Variants in STXBP5L observed in about 807,000 individuals in gnomAD.
STXBP5L encodes the protein syntaxin binding protein 5L, also known as syntaxin-binding protein 5-like.
STXBP5L carries 65 observed loss-of-function variants against 144.5 expected under a neutral mutation model. That is an observed-to-expected ratio of 0.45 (90% CI 0.37 to 0.55). The LOEUF is 0.55. Among genes scored for constraint, STXBP5L ranks in the 20% least tolerant of loss-of-function variants. The pLI is 0.00. For missense variants in STXBP5L, 1,298 were observed against 1,405.5 expected, an observed-to-expected ratio of 0.92 and a Z score of 1.22; for synonymous variants, 505 against 469.6, an observed-to-expected ratio of 1.08 and a Z score of -0.97.
intron 9 of STXBP5L, 28 bp from the exon 10 acceptor site, chr3:121,205,895 G>T (rs2048316813): frequency 2.5e-6 from 3 of 1,192,822 alleles, no homozygotes; most frequent in Non-Finnish European, 3.5e-6. Flanking sequence ...ATTTAAATTA[G>T]ATTCAATTAA....
intron 3 of STXBP5L, among the ~76,000 whole-genome samples, chr3:121,005,499 C>T (rs549481072): frequency 6.6e-6 from 1 of 152,132 alleles, no homozygotes; most frequent in Admixed American, 6.6e-5. Context: ...TTTCACAAAA[C>T]CAGCTCCTGG....
intron 3 of STXBP5L, among the ~76,000 whole-genome samples, chr3:120,973,675 T>G (rs1940554799): frequency 6.6e-6 from 1 of 152,086 alleles, no homozygotes; most frequent in Admixed American, 6.6e-5. Flanking sequence ...GTAAATCTCC[T>G]AATGCTATCC....
At chr3:120,961,108 G>T (rs1938742105) in intron 3 of STXBP5L, among the ~76,000 whole-genome samples, 1 of 151,680 alleles carries the variant, frequency 6.6e-6, no homozygotes, top group Admixed American at 6.6e-5. Context: ...ATTTGTTGGT[G>T]CATAGTTGTT....
intron 9 of STXBP5L, among the ~76,000 whole-genome samples, chr3:121,177,453 T>G (rs1483312144): frequency 6.6e-6 from 1 of 152,074 alleles, no homozygotes; most frequent in Non-Finnish European, 1.5e-5. Context: ...GGCAGCCAAT[T>G]TGAATGGACA....
At chr3:121,329,059 T>C (rs2044241862) in intron 20 of STXBP5L, among the ~76,000 whole-genome samples, 1 of 152,000 alleles carries the variant, frequency 6.6e-6, no homozygotes, top group Non-Finnish European at 1.5e-5. Flanking sequence ...ATATATATTA[T>C]ATATATAATG....
chr3:121,096,203 G>T (rs72954109), intron 5 of STXBP5L, among the ~76,000 whole-genome samples: 2 of 152,206 alleles, frequency 1.3e-5, no homozygotes, highest in African/African-American at 2.4e-5. Context: ...CATGCTGGGA[G>T]TTGTGGACTG....
At chr3:121,303,171 A>C (rs577564063) in intron 19 of STXBP5L, among the ~76,000 whole-genome samples, 93 of 152,346 alleles carry the variant, frequency 6.1e-4, no homozygotes, top group Non-Finnish European at 5.0e-4. Flanking sequence ...CAATGAACTC[A>C]AACAAATTTA....
Position 121,014,830 on chromosome 3 carries a change from C to A in STXBP5L, c.288-26870C>A, listed in dbSNP as rs1435469851. The stretch of plus-strand genomic sequence containing the variant: ...TATTAGACCTAATAAGTAAACTTAG[C>A]AAGATTACAGAAACAAATATTTAAT... On this transcript the variant is annotated intron_variant, in intron 3 of 26. Coordinates refer to ENST00000471454, the MANE Select transcript of STXBP5L (RefSeq NM_001308330.2). Among the ~76,000 whole-genome samples, 3 of 151,662 alleles carry A rather than the reference C, an allele frequency of 2.0e-5. No homozygotes were observed. In the East Asian group the frequency reaches 5.8e-4, roughly 29 times the overall value.
chr3:120,940,599 A>G (rs1710516752), intron 2 of STXBP5L, among the ~76,000 whole-genome samples: 1 of 151,216 alleles, frequency 6.6e-6, no homozygotes, highest in Non-Finnish European at 1.5e-5. Context: ...GCCAGATGGT[A>G]AAATCACGTA....
intron 9 of STXBP5L, among the ~76,000 whole-genome samples, chr3:121,198,204 A>C (rs2108201399): frequency 6.6e-6 from 1 of 152,306 alleles, no homozygotes; most frequent in Middle Eastern, 3.4e-3. Flanking sequence ...GTGAGATGGT[A>C]TCTCATTGTG....
intron 18 of STXBP5L, among the ~76,000 whole-genome samples, chr3:121,274,140 T>G (rs759214411): frequency 3.3e-5 from 5 of 152,222 alleles, no homozygotes; most frequent in Admixed American, 1.3e-4. Context: ...CCTGCTTTTT[T>G]GTGTTTTTAG....
At chr3:120,960,302 C>G (rs530040847) in intron 3 of STXBP5L, among the ~76,000 whole-genome samples, 13 of 152,276 alleles carry the variant, frequency 8.5e-5, no homozygotes, top group African/African-American at 2.6e-4. Flanking sequence ...CACTTTTACA[C>G]TGTTGGTGGG....
intron 3 of STXBP5L, among the ~76,000 whole-genome samples, chr3:121,030,539 G>A (rs979000171): frequency 2.0e-5 from 3 of 152,076 alleles, no homozygotes; most frequent in African/African-American, 4.8e-5. Flanking sequence ...CGGGGTGTGG[G>A]ACTAGGGGAT....
intron 10 of STXBP5L, among the ~76,000 whole-genome samples, chr3:121,209,951 T>G (rs1240900871): frequency 1.3e-5 from 2 of 152,168 alleles, no homozygotes; most frequent in Non-Finnish European, 2.9e-5. Flanking sequence ...ATATACCCAA[T>G]AATGGGATGG....
At chr3:121,013,851 A>T (rs1944954484) in intron 3 of STXBP5L, among the ~76,000 whole-genome samples, 1 of 152,024 alleles carries the variant, frequency 6.6e-6, no homozygotes, top group South Asian at 2.1e-4. Flanking sequence ...TTCATTCTAC[A>T]TATGGTTAGT....
chr3:120,963,376 A>G (rs1939112165), intron 3 of STXBP5L, among the ~76,000 whole-genome samples: 1 of 152,210 alleles, frequency 6.6e-6, no homozygotes, highest in Admixed American at 6.5e-5. Context: ...GAATGCTTCC[A>G]GTTTTTGCCC....
chr3:121,171,751 T>C (rs1352967987), intron 9 of STXBP5L, among the ~76,000 whole-genome samples: 4 of 149,092 alleles, frequency 2.7e-5, no homozygotes, highest in African/African-American at 2.5e-5. Context: ...GAAGAATCAA[T>C]ATCGTGTGAA....
intron 18 of STXBP5L, among the ~76,000 whole-genome samples, chr3:121,264,649 G>T (rs1488079538): frequency 6.6e-6 from 1 of 152,012 alleles, no homozygotes; most frequent in Non-Finnish European, 1.5e-5. Context: ...ATGTAAATGG[G>T]CTAAATGCCC....
chr3:121,011,809 A>G (rs2108138160), intron 3 of STXBP5L, among the ~76,000 whole-genome samples: 1 of 151,940 alleles, frequency 6.6e-6, no homozygotes, highest in Non-Finnish European at 1.5e-5. Flanking sequence ...CTTTATTGAC[A>G]CATAACTTGG....
Sources: allele counts gnomAD v4.1 joint callset (sites outside exome capture counted in the v4.1 genomes callset), GRCh38; gene constraint gnomAD v4.1.1; transcripts MANE v1.5; gene names NCBI Gene and HGNC (gene_info 2026-07-23, HGNC 2026-07-21).